Variants in DDX42 observed in about 807,000 individuals in gnomAD.
DDX42 encodes ATP-dependent RNA helicase DDX42.
Under a neutral mutation model 101.5 loss-of-function variants are expected in DDX42, and 22 were observed. That is an observed-to-expected ratio of 0.22 (90% CI 0.15 to 0.31). The LOEUF is 0.31. Ranked by LOEUF, DDX42 falls within the 10% of genes least tolerant of loss-of-function variation. DDX42 has a pLI of 1.00. For missense variants in DDX42, 849 were observed against 1,199.9 expected, an observed-to-expected ratio of 0.71 and a Z score of 4.32; for synonymous variants, 402 against 401.2, an observed-to-expected ratio of 1.00 and a Z score of -0.02.
chr17:63,793,062 T>G (rs2039648407), intron 3 of DDX42, among the ~76,000 whole-genome samples: 1 of 152,204 alleles, frequency 6.6e-6, no homozygotes, highest in Non-Finnish European at 1.5e-5. Flanking sequence ...ATTTTCCTTT[T>G]TCATCTTTCT....
At chr17:63,776,483 T>G (rs927769379) in intron 1 of DDX42, 29 of 152,268 alleles carry the variant, frequency 1.9e-4, no homozygotes, top group African/African-American at 7.0e-4. Context: ...GAAAGAAGTC[T>G]GATAGTCTCA....
At chr17:63,783,730 A>G (rs1392743249) in intron 1 of DDX42, among the ~76,000 whole-genome samples, 1 of 151,952 alleles carries the variant, frequency 6.6e-6, no homozygotes, top group Non-Finnish European at 1.5e-5. Context: ...ATCTGGAGTT[A>G]AGGGTCTAAG....
Position 63,784,180 on chromosome 17 carries a change from T to C in DDX42, c.-16-2854T>C, listed in dbSNP as rs1456437507. Among the ~76,000 whole-genome samples, 3 of 152,164 alleles carry C rather than the reference T, an allele frequency of 2.0e-5. No homozygotes were observed. The East Asian group carries it at 5.8e-4, about 29-fold the overall frequency. ...TATATAGACAAGGGGTATAGAACAG[T>C]GCATGTTTCTGATCTCTTCGACAAT... On this transcript the variant is annotated intron_variant, in intron 1 of 17. Coordinates refer to ENST00000389924, the MANE Select transcript of DDX42 (RefSeq NM_203499.3).
At chr17:63,775,570 A>T (rs981814638) in intron 1 of DDX42, among the ~76,000 whole-genome samples, 8 of 152,184 alleles carry the variant, frequency 5.3e-5, no homozygotes, top group Admixed American at 4.6e-4. Context: ...TAGAAGGTGG[A>T]GTGAGAGCCT....
At chr17:63,803,472 G>T (rs1292904831) in intron 6 of DDX42, among the ~76,000 whole-genome samples, 1 of 150,180 alleles carries the variant, frequency 6.7e-6, no homozygotes, top group Admixed American at 6.7e-5. Flanking sequence ...GGAGGCTGAG[G>T]CAGGGGAATC....
intron 3 of DDX42, among the ~76,000 whole-genome samples, chr17:63,796,695 A>T (rs1422660418): frequency 1.3e-5 from 2 of 152,234 alleles, no homozygotes; most frequent in African/African-American, 2.4e-5. Context: ...CAGTGTTCTG[A>T]AAAAGGATTT....
chr17:63,777,614 A>G (rs956153215), intron 1 of DDX42, among the ~76,000 whole-genome samples: 1 of 151,730 alleles, frequency 6.6e-6, no homozygotes, highest in Non-Finnish European at 1.5e-5. Context: ...CGCCTGGCTA[A>G]TTTTTTTGTA....
chr17:63,793,345 G>T (rs933488648), intron 3 of DDX42, among the ~76,000 whole-genome samples: 1 of 151,248 alleles, frequency 6.6e-6, no homozygotes, highest in African/African-American at 2.4e-5. Context: ...ATGGCTCACT[G>T]CAGCCTCAAA....
chr17:63,781,620 T>A (rs2039489021), intron 1 of DDX42, among the ~76,000 whole-genome samples: 1 of 152,100 alleles, frequency 6.6e-6, no homozygotes, highest in Admixed American at 6.6e-5. Flanking sequence ...TCTTTCCCCC[T>A]CTTCTTTCTT....
chr17:63,813,140 T>TG, intron 14 of DDX42, 88 bp from the exon 15 acceptor site: 2 of 1,247,418 alleles, frequency 1.6e-6, no homozygotes, highest in Non-Finnish European at 2.2e-6. Flanking sequence ...ATAAAGGAAA[T>TG]GTGGCTTATT....
chr17:63,784,060 T>C (rs1463955190), intron 1 of DDX42, among the ~76,000 whole-genome samples: 1 of 151,716 alleles, frequency 6.6e-6, no homozygotes, highest in Non-Finnish European at 1.5e-5. Context: ...TGAAACTCTG[T>C]CTCCCAAAAA....
At chr17:63,813,980 C>T (rs557293828) in intron 15 of DDX42, among the ~76,000 whole-genome samples, 1 of 152,204 alleles carries the variant, frequency 6.6e-6, no homozygotes, top group East Asian at 1.9e-4. Flanking sequence ...GTTGTGATTA[C>T]AGGCGCCCAC....
intron 9 of DDX42, 78 bp downstream of exon 9, chr17:63,807,978 C>A: frequency 7.1e-7 from 1 of 1,415,568 alleles, no homozygotes; most frequent in Non-Finnish European, 9.5e-7. Context: ...GTAGAATGAC[C>A]AGGAAACTTT....
chr17:63,815,787 A>AAT (rs1223037609), intron 16 of DDX42, 114 bp downstream of exon 16: 5 of 614,670 alleles, frequency 8.1e-6, no homozygotes, highest in Non-Finnish European at 8.3e-6. Flanking sequence ...CCCTGTCTAG[A>AAT]AGGGAATTTG....
At chr17:63,786,919 A>G in intron 1 of DDX42, 115 bp from the exon 2 acceptor site, 3 of 979,002 alleles carry the variant, frequency 3.1e-6, no homozygotes, top group African/African-American at 3.3e-5. Flanking sequence ...CTCATGGTCC[A>G]CCTGCCTTGG....
chr17:63,812,344 C>T (rs955691536), intron 14 of DDX42, 136 bp downstream of exon 14: 12 of 1,090,636 alleles, frequency 1.1e-5, no homozygotes, highest in Non-Finnish European at 1.5e-5. Context: ...CCCAAACCCC[C>T]AAGGAAGCAG....
intron 4 of DDX42, 130 bp downstream of exon 4, chr17:63,798,229 G>A (rs2039717580): frequency 6.6e-6 from 5 of 762,046 alleles, no homozygotes; most frequent in Non-Finnish European, 1.1e-5. Context: ...AGTTATTCCT[G>A]TATCTTGAAT....
intron 7 of DDX42, 149 bp downstream of exon 7, chr17:63,805,324 C>A: frequency 1.1e-6 from 1 of 933,292 alleles, no homozygotes; most frequent in Non-Finnish European, 1.6e-6. Context: ...CCCTTCTGTT[C>A]ATGTCTCTTA....
At chr17:63,789,553 G>GTTTTTTTT (rs1567732957) in intron 2 of DDX42, among the ~76,000 whole-genome samples, 2 of 28,656 alleles carry the variant, frequency 7.0e-5, no homozygotes, top group African/African-American at 1.9e-4. Context: ...AGACTTTTTT[G>GTTTTTTTT]TTTTTGTTTT....
Sources: allele counts gnomAD v4.1 joint callset (sites outside exome capture counted in the v4.1 genomes callset), GRCh38; gene constraint gnomAD v4.1.1; transcripts MANE v1.5; gene names NCBI Gene and HGNC (gene_info 2026-07-23, HGNC 2026-07-21).